BATF: variants seen among roughly 807,000 people sequenced by gnomAD.
The protein encoded by BATF is basic leucine zipper transcriptional factor ATF-like.
A neutral mutation model predicts 13.7 loss-of-function variants in BATF; 5 were observed. The ratio of observed to expected loss-of-function variants is 0.36; its 90% confidence interval spans 0.19 to 0.77. The LOEUF is 0.77. Ranked by LOEUF, BATF falls within the 30% of genes least tolerant of loss-of-function variation. The pLI is 0.51. For synonymous variants in BATF, 72 were observed against 67.5 expected (o/e 1.07, Z -0.33); for missense variants, 124 against 163.0 (o/e 0.76, Z 1.30).
intron 2 of BATF, among the ~76,000 whole-genome samples, chr14:75,544,111 G>A (rs952089982): frequency 1.8e-4 from 27 of 152,116 alleles, no homozygotes; most frequent in Non-Finnish European, 7.3e-5. Context: ...CATTTAATAA[G>A]TGCTTGAATA....
chr14:75,543,509 T>C (rs960962668), intron 2 of BATF, among the ~76,000 whole-genome samples: 1 of 152,158 alleles, frequency 6.6e-6, no homozygotes, highest in African/African-American at 2.4e-5. Flanking sequence ...TATAACCGAT[T>C]AACCTCATTA....
rs542722659 is a variant in BATF at position 75,541,411 on chromosome 14, C to T, written c.169-5051C>T. On this transcript the variant is annotated intron_variant, in intron 2 of 2. Coordinates refer to ENST00000286639, the MANE Select transcript of BATF (RefSeq NM_006399.5). The stretch of plus-strand genomic sequence containing the variant: ...CCCATTTACCGCTGATGGAGCTCAC[C>T]GTGGTCATGAGTTCAGGACCTGGCT... Among the ~76,000 whole-genome samples, 18 of 152,308 alleles carry T rather than the reference C, an allele frequency of 1.2e-4. No homozygotes were observed. In the South Asian group the frequency reaches 2.9e-3, roughly 25 times the overall value.
At chr14:75,531,517 G>A (rs968231347) in intron 2 of BATF, among the ~76,000 whole-genome samples, 1 of 152,224 alleles carries the variant, frequency 6.6e-6, no homozygotes. Context: ...AGCCAAGTTT[G>A]AAAGCTTGAG....
chr14:75,537,007 A>T (rs2140039603), intron 2 of BATF, among the ~76,000 whole-genome samples: 1 of 152,260 alleles, frequency 6.6e-6, no homozygotes, highest in East Asian at 1.9e-4. Flanking sequence ...CCTAGAAATC[A>T]ATCAGATATA....
At chr14:75,526,308 C>A (rs1887654038) in intron 2 of BATF, among the ~76,000 whole-genome samples, 2 of 152,218 alleles carry the variant, frequency 1.3e-5, no homozygotes, top group Admixed American at 1.3e-4. Context: ...ATCCCCTCAT[C>A]CCCTTCCCTA....
At chr14:75,530,473 A>G (rs1255910969) in intron 2 of BATF, among the ~76,000 whole-genome samples, 1 of 152,208 alleles carries the variant, frequency 6.6e-6, no homozygotes, top group Admixed American at 6.5e-5. Flanking sequence ...AAGACTGAAC[A>G]TAAGCTAAAA....
intron 2 of BATF, among the ~76,000 whole-genome samples, chr14:75,526,080 C>T (rs1271827317): frequency 1.3e-5 from 2 of 152,186 alleles, no homozygotes; most frequent in African/African-American, 4.8e-5. Context: ...CTAGAGAAAG[C>T]TTTTACCTCT....
rs1165050721 is a variant in BATF, at chr14:75,544,518, T to TCA, written c.169-1940_169-1939dup. The stretch of plus-strand genomic sequence containing the variant: ...AGGCAGAGGTTGCAGTGAGCCAAGA[T>TCA]CACACTACTGCACTCCAGCCTGGGT... On this transcript the variant is annotated intron_variant, in intron 2 of 2. Transcript: ENST00000286639. 3.2e-5 allele frequency among the ~76,000 whole-genome samples: 4 copies of TCA among 124,640 alleles called. No homozygotes were observed. In the East Asian group the frequency reaches 1.1e-3, roughly 33 times the overall value. The allele number at this position is 124,640 out of a possible 152,430, so 81.8% of individuals were successfully genotyped here. A position where few individuals can be genotyped will look rare whatever the true frequency, so the allele number is the denominator to read the frequency against.
At chr14:75,542,149 A>G (rs973640444) in intron 2 of BATF, among the ~76,000 whole-genome samples, 1 of 152,174 alleles carries the variant, frequency 6.6e-6, no homozygotes, top group African/African-American at 2.4e-5. Flanking sequence ...AAGTGCCTTG[A>G]GGTGAATCCT....
intron 2 of BATF, among the ~76,000 whole-genome samples, chr14:75,527,257 AT>A (rs1887667073): frequency 6.6e-6 from 1 of 152,216 alleles, no homozygotes; most frequent in South Asian, 2.1e-4. Context: ...TTATACACAC[AT>A]TTTATATATA....
chr14:75,528,952 G>GTATC (rs559655375), intron 2 of BATF, among the ~76,000 whole-genome samples: 2 of 152,254 alleles, frequency 1.3e-5, no homozygotes, highest in African/African-American at 4.8e-5. Flanking sequence ...TATGAAGAGT[G>GTATC]TATCCTAAAT....
chr14:75,535,007 C>T (rs941186537), intron 2 of BATF, among the ~76,000 whole-genome samples: 11 of 152,164 alleles, frequency 7.2e-5, no homozygotes, highest in Non-Finnish European at 1.2e-4. Flanking sequence ...TTTGATGATG[C>T]AGTCATTAAA....
At chr14:75,545,250 C>G (rs1319248736) in intron 2 of BATF, among the ~76,000 whole-genome samples, 1 of 151,986 alleles carries the variant, frequency 6.6e-6, no homozygotes, top group African/African-American at 2.4e-5. Flanking sequence ...GAGATGGAGT[C>G]TTGCTTTGTC....
chr14:75,543,712 T>A, intron 2 of BATF, among the ~76,000 whole-genome samples: 1 of 151,584 alleles, frequency 6.6e-6, no homozygotes, highest in East Asian at 1.9e-4. Flanking sequence ...AGATACTGGG[T>A]CTCAATAATG....
At chr14:75,543,139 T>C (rs574130165) in intron 2 of BATF, among the ~76,000 whole-genome samples, 8 of 152,166 alleles carry the variant, frequency 5.3e-5, no homozygotes, top group Non-Finnish European at 1.2e-4. Flanking sequence ...TCTCATCGTG[T>C]TGCTTGATCT....
chr14:75,541,490 C>T (rs1887895698), intron 2 of BATF, among the ~76,000 whole-genome samples: 2 of 152,108 alleles, frequency 1.3e-5, no homozygotes, highest in African/African-American at 4.8e-5. Flanking sequence ...GAATATCTGG[C>T]CAGGTGACCC....
Position 75,546,726 on chromosome 14 carries a change from G to A in BATF, c.*55G>A. ...GGAGGGGCACACAGACTGTGGCAGA[G>A]CTGCGCCCATCCCGCAGAGGCCCCT... On this transcript the variant is annotated 3_prime_UTR_variant, in exon 3 of 3. Coordinates refer to ENST00000286639, the MANE Select transcript of BATF (RefSeq NM_006399.5). 6.7e-7 allele frequency: 1 copy of A among 1,492,654 alleles called. No homozygotes were observed. The highest frequency in any genetic ancestry group is 8.9e-7 in the Non-Finnish European group (1 of 1,117,430). 92.5% of individuals were successfully genotyped at this position (1,492,654 alleles called of 1,614,324 possible).
chr14:75,524,206 G>C (rs1448014132), intron 1 of BATF, among the ~76,000 whole-genome samples: 1 of 152,142 alleles, frequency 6.6e-6, no homozygotes, highest in Non-Finnish European at 1.5e-5. Flanking sequence ...CCAGGCACAG[G>C]ACATGCCTCT....
chr14:75,544,389 A>AC (rs1490781110), intron 2 of BATF, among the ~76,000 whole-genome samples: 1 of 151,590 alleles, frequency 6.6e-6, no homozygotes, highest in Non-Finnish European at 1.5e-5. Flanking sequence ...ACATGGTGAA[A>AC]CCCCGTCTCT....
Sources: gnomAD v4.1 joint callset for allele counts (sites outside exome capture counted in the v4.1 genomes callset) on GRCh38, gnomAD v4.1.1 for gene constraint, MANE v1.5 for transcripts, NCBI Gene and HGNC (gene_info 2026-07-23, HGNC 2026-07-21) for gene names.